Variants in HDAC9 observed in about 807,000 individuals in gnomAD.
The protein encoded by HDAC9 is MEF-2 interacting transcription repressor (MITR) protein.
Under a neutral mutation model 139.4 loss-of-function variants are expected in HDAC9, and 41 were observed. The observed-to-expected ratio is 0.29, with a 90% CI of 0.23 to 0.38. HDAC9 has a LOEUF of 0.38. Ranked by LOEUF, HDAC9 falls within the 10% of genes least tolerant of loss-of-function variation. The pLI is 1.00. For synonymous variants in HDAC9, 517 were observed against 476.2 expected (o/e 1.09, Z -1.12); for missense variants, 1,147 against 1,297.0 (o/e 0.88, Z 1.78).
intron 2 of HDAC9, among the ~76,000 whole-genome samples, chr7:18,556,471 A>G (rs904202011): frequency 1.3e-5 from 2 of 152,080 alleles, no homozygotes; most frequent in Non-Finnish European, 2.9e-5. Context: ...AAATTGGAAG[A>G]CAGTTAAATT....
intron 1 of HDAC9, among the ~76,000 whole-genome samples, chr7:18,484,768 G>C (rs1267678664): frequency 6.6e-6 from 1 of 151,828 alleles, no homozygotes; most frequent in Non-Finnish European, 1.5e-5. Flanking sequence ...TGAGAAGATT[G>C]CTTGAGCCTA....
At chr7:18,220,921 C>T (rs1415661570) in intron 2 of HDAC9, among the ~76,000 whole-genome samples, 1 of 152,084 alleles carries the variant, frequency 6.6e-6, no homozygotes, top group African/African-American at 2.4e-5. Flanking sequence ...TTATCTTGTT[C>T]TCTTATGAAT....
intron 2 of HDAC9, among the ~76,000 whole-genome samples, chr7:18,183,524 A>AT (rs1451906377): frequency 6.6e-6 from 1 of 151,986 alleles, no homozygotes; most frequent in African/African-American, 2.4e-5. Flanking sequence ...CTTGGATTCC[A>AT]TTTTTTCACC....
chr7:18,517,055 A>G (rs1645236727), intron 2 of HDAC9, among the ~76,000 whole-genome samples: 2 of 152,232 alleles, frequency 1.3e-5, no homozygotes, highest in South Asian at 2.1e-4. Context: ...AGCATTCTCT[A>G]CATTTCTAAT....
chr7:18,422,941 C>T (rs980818588), intron 1 of HDAC9, among the ~76,000 whole-genome samples: 1 of 152,092 alleles, frequency 6.6e-6, no homozygotes, highest in African/African-American at 2.4e-5. Flanking sequence ...TCTCATAGTC[C>T]AAGGTATGCC....
At chr7:18,164,868 A>G (rs1321772904) in intron 2 of HDAC9, among the ~76,000 whole-genome samples, 2 of 152,216 alleles carry the variant, frequency 1.3e-5, no homozygotes, top group Admixed American at 1.3e-4. Context: ...CTATCTGGAT[A>G]AGATTGGCAG....
At chr7:18,332,408 AG>A (rs1800998922) in intron 1 of HDAC9, among the ~76,000 whole-genome samples, 20 of 151,286 alleles carry the variant, frequency 1.3e-4, no homozygotes, top group African/African-American at 1.9e-4. Context: ...AGAGAGAGAG[AG>A]AGATTTTTAC....
chr7:18,983,839 A>G (rs1378501825), intron 25 of HDAC9, among the ~76,000 whole-genome samples: 1 of 152,142 alleles, frequency 6.6e-6, no homozygotes, highest in Non-Finnish European at 1.5e-5. Flanking sequence ...CCAAAAAGCC[A>G]TACTCATGTC....
intron 22 of HDAC9, among the ~76,000 whole-genome samples, chr7:18,893,349 G>T (rs962442024): frequency 2.0e-5 from 3 of 152,068 alleles, no homozygotes; most frequent in African/African-American, 7.2e-5. Context: ...CAAATACCAT[G>T]GCCTGGGGCA....
At chr7:18,591,685 C>T (rs1262128482) in intron 5 of HDAC9, 43 bp downstream of exon 5, 1 of 1,604,860 alleles carries the variant, frequency 6.2e-7, no homozygotes, top group South Asian at 1.1e-5. Context: ...GGGTAAAGAA[C>T]ACAGGTTCTG....
chr7:18,445,526 T>C (rs1025015576), intron 1 of HDAC9, among the ~76,000 whole-genome samples: 10 of 152,246 alleles, frequency 6.6e-5, no homozygotes, highest in African/African-American at 2.2e-4. Context: ...TTGTTTCAGA[T>C]TGCATCTTCC....
intron 1 of HDAC9, among the ~76,000 whole-genome samples, chr7:18,295,883 C>A (rs779000581): frequency 7.2e-5 from 11 of 152,134 alleles, no homozygotes; most frequent in Non-Finnish European, 1.5e-4. Flanking sequence ...ATGCACCAGA[C>A]AACCCCCCAC....
At chr7:18,302,969 TATATA>T (rs1798641422) in intron 1 of HDAC9, among the ~76,000 whole-genome samples, 1 of 145,624 alleles carries the variant, frequency 6.9e-6, no homozygotes, top group Non-Finnish European at 1.5e-5. Flanking sequence ...ATTTTGTACA[TATATA>T]ATATATAATA....
intron 15 of HDAC9, among the ~76,000 whole-genome samples, chr7:18,763,049 TG>T (rs1273620887): frequency 6.6e-6 from 1 of 152,180 alleles, no homozygotes; most frequent in East Asian, 1.9e-4. Context: ...TAGATGCTGA[TG>T]GGGTCATGTT....
At chr7:18,638,932 A>C (rs1300776231) in intron 8 of HDAC9, among the ~76,000 whole-genome samples, 1 of 152,032 alleles carries the variant, frequency 6.6e-6, no homozygotes, top group African/African-American at 2.4e-5. Context: ...TATTGTTAAT[A>C]CTGTGGGCCT....
In HDAC9 at chr7:18,413,972, A is replaced by G. The variant is rs534463513; in HGVS notation, c.-41-82290A>G. On this transcript the variant is annotated intron_variant, in intron 1 of 3. Coordinates refer to the HDAC9 transcript ENST00000413509. The stretch of plus-strand genomic sequence containing the variant: ...ATAAGAGATTTAAGTGAAAGTGCTA[A>G]TAAACTCCCTTCAGACTCAGACCAC... Among the ~76,000 whole-genome samples, 74 of 152,300 alleles carry G rather than the reference A, an allele frequency of 4.9e-4. 2 individuals are homozygous for G. The highest frequency in any genetic ancestry group is 1.9e-3 in the East Asian group (10 of 5,182).
chr7:18,785,021 T>A (rs901978250), intron 16 of HDAC9, among the ~76,000 whole-genome samples: 1 of 151,998 alleles, frequency 6.6e-6, no homozygotes, highest in Non-Finnish European at 1.5e-5. Flanking sequence ...AATTATATGA[T>A]GTTCCTTGAC....
intron 1 of HDAC9, among the ~76,000 whole-genome samples, chr7:18,337,885 T>C (rs996913701): frequency 6.6e-6 from 1 of 151,728 alleles, no homozygotes; most frequent in East Asian, 1.9e-4. Flanking sequence ...ATAAATCGCT[T>C]AACTTCTTTG....
At chr7:18,606,693 G>T (rs555854178) in intron 6 of HDAC9, among the ~76,000 whole-genome samples, 1 of 152,012 alleles carries the variant, frequency 6.6e-6, no homozygotes, top group South Asian at 2.1e-4. Flanking sequence ...CACTTTTAAA[G>T]TAATATTTTT....
Sources: gnomAD v4.1 joint callset for allele counts (sites outside exome capture counted in the v4.1 genomes callset) on GRCh38, gnomAD v4.1.1 for gene constraint, MANE v1.5 for transcripts, NCBI Gene and HGNC (gene_info 2026-07-23, HGNC 2026-07-21) for gene names.